The following CEP170B variants were observed in gnomAD, a reference collection of about 807,000 sequenced individuals.
The protein encoded by CEP170B is centrosomal protein 170B, also known as centrosomal protein of 170 kDa protein B.
A neutral mutation model predicts 120.6 loss-of-function variants in CEP170B; 55 were observed. The observed-to-expected ratio is 0.46, with a 90% CI of 0.37 to 0.57. The LOEUF (loss-of-function observed/expected upper bound fraction) is 0.57. Among genes scored for constraint, CEP170B ranks in the 20% least tolerant of loss-of-function variants. The probability of loss-of-function intolerance (pLI) is 0.00; values close to 1 mark genes in which losing one functional copy is unlikely to be tolerated. For missense variants in CEP170B, 2,212 were observed against 2,253.3 expected (o/e 0.98, Z 0.37); for synonymous variants, 1,033 against 954.5 (o/e 1.08, Z -1.52).
chr14:104,873,972 C>T lies in CEP170B; in HGVS notation c.106-2284C>T, dbSNP rs866680651. Among the ~76,000 whole-genome samples, 44 of 152,252 alleles carry T rather than the reference C, an allele frequency of 2.9e-4. 1 individual carries two copies. In the South Asian group the frequency reaches 4.6e-3, roughly 16 times the overall value. On this transcript the variant is annotated intron_variant, in intron 2 of 18. Coordinates refer to ENST00000414716, the MANE Select transcript of CEP170B (RefSeq NM_001112726.3). The stretch of plus-strand genomic sequence containing the variant: ...GCTGCCCTGTGCACAGGACAGGGTG[C>T]GGGAGTAGGTGAGCCCCAACCCCCT...
chr14:104,875,621 T>C (rs57234754), intron 2 of CEP170B, among the ~76,000 whole-genome samples: 7,140 of 152,144 alleles, frequency 0.047, 582 homozygotes, highest in African/African-American at 0.16. Flanking sequence ...GCAGCAGCCG[T>C]GCTCGCAGCG....
chr14:104,871,461 G>A (rs963769614), intron 2 of CEP170B, among the ~76,000 whole-genome samples: 6 of 142,558 alleles, frequency 4.2e-5, no homozygotes, highest in African/African-American at 1.3e-4. Flanking sequence ...CTGGCTCTCC[G>A]GACCCGGCTC....
At chr14:104,885,333 T>C in intron 9 of CEP170B, 36 bp from the exon 10 acceptor site, 1 of 1,514,984 alleles carries the variant, frequency 6.6e-7, no homozygotes, top group Non-Finnish European at 8.8e-7. Context: ...TGGGCTTCTC[T>C]GACCCTCGGT....
chr14:104,872,243 G>A (rs1416392206), intron 2 of CEP170B, among the ~76,000 whole-genome samples: 3 of 144,696 alleles, frequency 2.1e-5, no homozygotes, highest in African/African-American at 5.3e-5. Context: ...GCGTGTGTGC[G>A]TGTGTGTGCC....
intron 6 of CEP170B, among the ~76,000 whole-genome samples, 157 bp from the exon 7 acceptor site, chr14:104,882,571 T>A (rs1896213666): frequency 1.3e-5 from 2 of 151,646 alleles, no homozygotes; most frequent in East Asian, 3.9e-4. Flanking sequence ...TAGTCAACAT[T>A]CCCCACAGAG....
intron 17 of CEP170B, 40 bp from the exon 18 acceptor site, chr14:104,894,497 T>G: frequency 6.2e-7 from 1 of 1,605,088 alleles, no homozygotes; most frequent in Middle Eastern, 1.7e-4. Flanking sequence ...CTGCAGCCCG[T>G]CAGAAGTTGA....
rs1896325579 is a variant in CEP170B at position 104,884,229 on chromosome 14, C to T, written c.1450C>T (p.Arg484Ter). ...ERLGSPSPAS[R>*]TPARPFGSVG... ...GCTGGGCAGCCCCTCGCCCGCCTCC[C>T]GAACCCCTGCCCGCCCCTTCGGAAG... The change falls in exon 9 of 19, where the codon CGA becomes TGA. Residue 484 changes from arginine to a stop codon, truncating the protein, a stop_gained. Transcript: ENST00000414716. LOFTEE classifies it high-confidence loss of function. The T allele has an allele frequency of 6.5e-7, 1 of 1,543,408 alleles. No individual in the cohort carries two copies. Among genetic ancestry groups the T allele is most frequent in the Non-Finnish European group, 8.7e-7 (1 of 1,146,894 alleles).
intron 14 of CEP170B, 87 bp downstream of exon 14, chr14:104,893,222 G>A (rs952701189): frequency 1.1e-5 from 16 of 1,402,112 alleles, no homozygotes; most frequent in Admixed American, 5.0e-5. Flanking sequence ...TGCATGCCTC[G>A]GCTGAGGCCC....
Position 104,896,391 on chromosome 14 carries a change from G to T in CEP170B, c.*1433G>T. 2.8e-6 allele frequency: 1 copy of T among 356,438 alleles called. No individual in the cohort carries two copies. The highest frequency in any genetic ancestry group is 5.6e-6 in the Non-Finnish European group (1 of 179,604). 22.1% of individuals were successfully genotyped at this position (356,438 alleles called of 1,614,324 possible). ...CGCCCCAAGAGCCTGCTGTCTGTAT[G>T]GAGGAGGTGCTAGCCCGGTCCACCG... On this transcript the variant is annotated 3_prime_UTR_variant, in exon 19 of 19. Coordinates refer to ENST00000414716, the MANE Select transcript of CEP170B (RefSeq NM_001112726.3).
Position 104,877,959 on chromosome 14 carries a change from C to T in CEP170B, c.270C>T (p.Gly90=), listed in dbSNP as rs774179841. The T allele has an allele frequency of 6.2e-7, 1 of 1,606,172 alleles. No individual in the cohort carries two copies. The change falls in exon 4 of 19, where the codon GGC becomes GGT. Residue 90 remains glycine, a synonymous_variant. Transcript: ENST00000414716. ...AGCTCAACGATGTCATCCGCTTCGG[C>T]TACGATATCCTGCCCCTGAGCGTCC... ...TLKLNDVIRF[G]YDSNMYVLER...
chr14:104,885,617 G>A, intron 10 of CEP170B, 75 bp downstream of exon 10: 1 of 1,492,066 alleles, frequency 6.7e-7, no homozygotes, highest in South Asian at 1.3e-5. Flanking sequence ...CCTGGGGTCA[G>A]CGGGCCCCCC....
chr14:104,876,226 C>T, intron 2 of CEP170B, 30 bp from the exon 3 acceptor site: 1 of 1,548,764 alleles, frequency 6.5e-7, no homozygotes, highest in Non-Finnish European at 8.7e-7. Context: ...TCCCCTGGAG[C>T]ACCTGAGGGC....
chr14:104,870,516 C>A lies in CEP170B; in HGVS notation c.105+1961C>A, dbSNP rs61995987. On this transcript the variant is annotated intron_variant, in intron 2 of 18. Transcript: ENST00000414716. The surrounding 1 kb of genome is among the most constrained non-coding windows in gnomAD (Gnocchi z 4.1). The stretch of plus-strand genomic sequence containing the variant: ...GGTGGCTAGGAGGGCTTCTTGGAGG[C>A]GGCGGCACTTTGGAGCCTCTGGAAG... 7.5e-3 allele frequency among the ~76,000 whole-genome samples: 1,143 copies of A among 152,230 alleles called. 9 individuals carry two copies. Among genetic ancestry groups the A allele is most frequent in the Non-Finnish European group, 0.013 (874 of 68,000 alleles).
intron 2 of CEP170B, among the ~76,000 whole-genome samples, chr14:104,871,009 A>G (rs1171131737): frequency 2.8e-5 from 4 of 142,224 alleles, no homozygotes; most frequent in Non-Finnish European, 4.6e-5. Context: ...CCCCCACCCT[A>G]CAGCCCCATG....
At chr14:104,872,430 T>TGTGG in intron 2 of CEP170B, among the ~76,000 whole-genome samples, 7 of 46,702 alleles carry the variant, frequency 1.5e-4, no homozygotes, top group Non-Finnish European at 4.9e-4. Context: ...GTGCCGTGCG[T>TGTGG]GTGTGCGTGT....
chr14:104,894,565 G>A lies in CEP170B; in HGVS notation c.4394G>A (p.Arg1465Lys), dbSNP rs1219897644. 6.2e-7 allele frequency: 1 copy of A among 1,611,360 alleles called. No individual in the cohort carries two copies. The highest frequency in any genetic ancestry group is 2.2e-5 in the East Asian group (1 of 44,866). The change falls in exon 18 of 19, where the codon AGG (arginine) becomes AAG (lysine). Residue 1465 changes from arginine (R) to lysine (K), a missense_variant. By Grantham distance (26) the Arg-to-Lys change is conservative. This residue lies in a region of CEP170B where 2,166 missense variants were observed against 2,166.7 expected (regional missense o/e 1.00). Transcript: ENST00000414716. ...KEISSILKEL[R>K]RVQKQLEVIN... ...ATCAGCTCCATCCTGAAGGAACTGAGGCGGGTGCAGAAACAGCTGGAAGGT... is the reference window on the plus strand; with the variant it reads ...ATCAGCTCCATCCTGAAGGAACTGAAGCGGGTGCAGAAACAGCTGGAAGGT...
chr14:104,890,466 ATGGATGGATGGATGAATGAGTGGGTTGG>A (rs1241307854), intron 13 of CEP170B, among the ~76,000 whole-genome samples: 1 of 131,440 alleles, frequency 7.6e-6, no homozygotes, highest in African/African-American at 2.9e-5. Flanking sequence ...GGGTGGATGG[ATGGATGGATGGATGAATGAGTGGGTTGG>A]TGGATGGATG....
chr14:104,885,393 G>A lies in CEP170B; in HGVS notation c.1795G>A (p.Glu599Lys). The change falls in exon 10 of 19, where the codon GAA (glutamate) becomes AAA (lysine). Residue 599 changes from glutamate to lysine, a missense_variant. Around this residue, in one of 2 missense-constraint regions of CEP170B, gnomAD observed 2,166 missense variants for 2,166.7 expected, o/e 1.00. Coordinates refer to ENST00000414716, the MANE Select transcript of CEP170B (RefSeq NM_001112726.3). ...DQVFGVLESP[E>K]LSRASSATFR... ...GGTCTTTGGGGTGTTGGAGTCCCCT[G>A]AACTCTCCAGGGCATCTTCGGCCAC... The A allele has an allele frequency of 6.4e-7, 1 of 1,570,104 alleles. No homozygotes were observed. Among genetic ancestry groups the A allele is most frequent in the Admixed American group, 1.9e-5 (1 of 53,686 alleles).
chr14:104,894,867 C>A lies in CEP170B; in HGVS notation c.4574C>A (p.Pro1525His), dbSNP rs200982434. 2.6e-4 allele frequency: 417 copies of A among 1,608,654 alleles called. 2 individuals carry two copies. In the East Asian group the frequency reaches 9.1e-3, roughly 35 times the overall value. ...ASAEALLPAL[P>H]LRNFPQRASC... The stretch of plus-strand genomic sequence containing the variant: ...GCCGAGGCCCTGCTGCCAGCCCTGC[C>A]CCTGAGGAATTTCCCACAGCGGGCC... The change falls in exon 19 of 19, where the codon CCC (proline) becomes CAC (histidine). Residue 1525 changes from proline (P) to histidine (H), a missense_variant. Around this residue, in one of 2 missense-constraint regions of CEP170B, gnomAD observed 2,166 missense variants for 2,166.7 expected, o/e 1.00. Transcript: ENST00000414716.
Sources: gnomAD v4.1 joint callset for allele counts (sites outside exome capture counted in the v4.1 genomes callset) on GRCh38, gnomAD v4.1.1 for gene constraint, gnomAD v4.1.1 regional missense constraint, Gnocchi (gnomAD v3.1) non-coding constraint, MANE v1.5 for transcripts, NCBI Gene and HGNC (gene_info 2026-07-23, HGNC 2026-07-21) for gene names.